The following PALLD variants were observed in gnomAD, a reference collection of about 807,000 sequenced individuals.
PALLD encodes palladin, cytoskeletal associated protein.
PALLD carries 61 observed loss-of-function variants against 123.5 expected under a neutral mutation model. The observed-to-expected ratio is 0.49, with a 90% CI of 0.40 to 0.61. The LOEUF (loss-of-function observed/expected upper bound fraction) is 0.61. Among genes scored for constraint, PALLD ranks in the 20% least tolerant of loss-of-function variants. The probability of loss-of-function intolerance (pLI) is 0.00; values close to 1 mark genes in which losing one functional copy is unlikely to be tolerated. For synonymous variants in PALLD, 465 were observed against 496.4 expected (o/e 0.94, Z 0.84); for missense variants, 1,273 against 1,377.0 (o/e 0.92, Z 1.20).
In PALLD at chr4:168,512,284, G is replaced by A; in HGVS notation, c.780G>A (p.Gln260=). The A allele has an allele frequency of 1.2e-6, 2 of 1,614,112 alleles. No individual in the cohort carries two copies. The highest frequency in any genetic ancestry group is 1.7e-6 in the Non-Finnish European group (2 of 1,180,028). Reference sequence around the variant, plus strand: ...CACACAACCGCAAGTCTCACCCACAGCCCCACAGCGCCCTCCACTTCCCAG... The same window carrying A: ...CACACAACCGCAAGTCTCACCCACAACCCCACAGCGCCCTCCACTTCCCAG... ...AVPHNRKSHP[Q]PHSALHFPAA... The change falls in exon 2 of 22, where the codon CAG becomes CAA. Residue 260 remains glutamine (Q), a synonymous_variant. Transcript: ENST00000505667.
chr4:168,596,418 C>T (rs897282045), intron 2 of PALLD, among the ~76,000 whole-genome samples: 5 of 152,038 alleles, frequency 3.3e-5, no homozygotes, highest in African/African-American at 1.2e-4. Context: ...GTGAGCAGGT[C>T]TGTTGTCCTG....
intron 10 of PALLD, among the ~76,000 whole-genome samples, chr4:168,845,209 T>C (rs1746648092): frequency 6.6e-6 from 1 of 152,210 alleles, no homozygotes; most frequent in Admixed American, 6.5e-5. Context: ...GAAAATGTGC[T>C]TTCTATCAAG....
chr4:168,792,484 G>A (rs796726690), intron 10 of PALLD, among the ~76,000 whole-genome samples: 5 of 151,662 alleles, frequency 3.3e-5, no homozygotes, highest in East Asian at 1.9e-4. Flanking sequence ...ACTTCCTCTC[G>A]CCTACCCAAA....
At chr4:168,698,096 G>C (rs1179918696) in intron 8 of PALLD, among the ~76,000 whole-genome samples, 1 of 152,184 alleles carries the variant, frequency 6.6e-6, no homozygotes, top group Non-Finnish European at 1.5e-5. Context: ...AGCTCATTAT[G>C]TTAAGTGAAA....
At position 168,781,491 on chromosome 4, in the gene PALLD, G is replaced by A. The variant is rs867459574; in HGVS notation, c.1964+69568G>A. The stretch of plus-strand genomic sequence containing the variant: ...AACTATGACATGGTGTATGGCCAGG[G>A]GCAGAGGCCGGGAAGCCTGTCGCAG... On this transcript the variant is annotated intron_variant, in intron 10 of 21. Transcript: ENST00000505667. 3.9e-5 allele frequency among the ~76,000 whole-genome samples: 6 copies of A among 152,212 alleles called. No homozygotes were observed. In the South Asian group the frequency reaches 8.3e-4, roughly 21 times the overall value.
chr4:168,915,871 A>C, intron 16 of PALLD, 24 bp from the exon 17 acceptor site: 1 of 1,597,514 alleles, frequency 6.3e-7, no homozygotes, highest in Non-Finnish European at 8.6e-7. Flanking sequence ...ATTTCTATCT[A>C]TCTGTCATCT....
chr4:168,927,967 T>TTC lies in PALLD; in HGVS notation c.*1788_*1789insCT, dbSNP rs1762768498. 1.5e-5 allele frequency: 3 copies of TTC among 196,340 alleles called. No homozygotes were observed. The highest frequency in any genetic ancestry group is 1.6e-4 in the East Asian group (2 of 12,418). The allele number at this position is 196,340 out of a possible 1,614,324, so 12.2% of individuals were successfully genotyped here. On this transcript the variant is annotated 3_prime_UTR_variant, in exon 22 of 22. Coordinates refer to ENST00000505667, the MANE Select transcript of PALLD (RefSeq NM_001166108.2). ...TCAGTTACTCAATTCATACGTAGTA[T>TTC]TTTTTAAAATAATTTTATATCTGTG... is the stretch of plus-strand genomic sequence containing the variant.
intron 10 of PALLD, among the ~76,000 whole-genome samples, chr4:168,764,710 A>G (rs575082129): frequency 6.6e-6 from 1 of 152,278 alleles, no homozygotes; most frequent in African/African-American, 2.4e-5. Flanking sequence ...TCAGATTCAA[A>G]GATTCATCTG....
At chr4:168,803,587 G>C (rs144143358) in intron 10 of PALLD, among the ~76,000 whole-genome samples, 235 of 151,366 alleles carry the variant, frequency 1.6e-3, no homozygotes, top group African/African-American at 5.1e-3. Context: ...TTGGGAGGCT[G>C]ACATGGGAAG....
At chr4:168,913,397 A>G (rs1197273539) in intron 15 of PALLD, among the ~76,000 whole-genome samples, 1 of 152,104 alleles carries the variant, frequency 6.6e-6, no homozygotes, top group African/African-American at 2.4e-5. Context: ...TCAGCCTCCC[A>G]AAGTGCTGGC....
rs1308471235 is a variant in PALLD at position 168,504,537 on chromosome 4, T to G, written c.-82-6886T>G. On this transcript the variant is annotated intron_variant, in intron 1 of 21. Transcript: ENST00000505667. Reference sequence around the variant, plus strand: ...TGAACCCGGCAGGTGGATCTTGCAGTGAACTGAGATCATGCCACTGCACTC... The same window carrying G: ...TGAACCCGGCAGGTGGATCTTGCAGGGAACTGAGATCATGCCACTGCACTC... Among the ~76,000 whole-genome samples, 4 of 147,620 alleles carry G rather than the reference T, an allele frequency of 2.7e-5. No homozygotes were observed. The East Asian group carries it at 7.9e-4, about 29-fold the overall frequency.
chr4:168,852,227 A>G (rs1747904671), intron 10 of PALLD, among the ~76,000 whole-genome samples: 1 of 152,196 alleles, frequency 6.6e-6, no homozygotes, highest in South Asian at 2.1e-4. Flanking sequence ...GCCCAGCAAT[A>G]CAAAGCACCC....
At chr4:168,807,201 TGAG>T (rs1352460702) in intron 10 of PALLD, among the ~76,000 whole-genome samples, 1 of 151,532 alleles carries the variant, frequency 6.6e-6, no homozygotes, top group Admixed American at 6.6e-5. Context: ...GCAGGAGTGG[TGAG>T]GAGATTCATG....
chr4:168,575,385 A>C (rs1468494116), intron 2 of PALLD, among the ~76,000 whole-genome samples: 1 of 151,932 alleles, frequency 6.6e-6, no homozygotes, highest in Non-Finnish European at 1.5e-5. Context: ...TGTATGTAGG[A>C]GGATCTGTCA....
intron 10 of PALLD, among the ~76,000 whole-genome samples, chr4:168,877,443 A>C (rs534728445): frequency 3.1e-4 from 47 of 152,370 alleles, no homozygotes; most frequent in African/African-American, 1.1e-3. Flanking sequence ...GGCTCCTGGA[A>C]GTCAGACAAA....
At chr4:168,811,786 A>T (rs1225044939) in intron 10 of PALLD, among the ~76,000 whole-genome samples, 11 of 148,064 alleles carry the variant, frequency 7.4e-5, no homozygotes, top group African/African-American at 2.5e-4. Context: ...TCACACACAC[A>T]CACACACACA....
intron 10 of PALLD, among the ~76,000 whole-genome samples, chr4:168,753,844 C>T (rs1307579412): frequency 1.3e-5 from 2 of 152,164 alleles, no homozygotes; most frequent in South Asian, 2.1e-4. Flanking sequence ...ACTGCAAACT[C>T]ACGAGAGACA....
intron 8 of PALLD, among the ~76,000 whole-genome samples, chr4:168,693,990 C>T (rs1782901588): frequency 6.6e-6 from 1 of 152,212 alleles, no homozygotes; most frequent in Admixed American, 6.5e-5. Flanking sequence ...TGTGCTTAAA[C>T]AATGTTTTGT....
At chr4:168,889,339 T>G (rs1209165460) in intron 10 of PALLD, among the ~76,000 whole-genome samples, 1 of 151,884 alleles carries the variant, frequency 6.6e-6, no homozygotes, top group African/African-American at 2.4e-5. Context: ...AATTTTTGTA[T>G]TTTTAGTAGA....
Sources: gnomAD v4.1 joint callset for allele counts (sites outside exome capture counted in the v4.1 genomes callset) on GRCh38, gnomAD v4.1.1 for gene constraint, MANE v1.5 for transcripts, NCBI Gene and HGNC (gene_info 2026-07-23, HGNC 2026-07-21) for gene names.